The following LHFPL6 variants were observed in gnomAD, a reference collection of about 807,000 sequenced individuals.
LHFPL6 encodes the protein LHFPL tetraspan subfamily member 6, also known as LHFPL tetraspan subfamily member 6 protein.
In LHFPL6, 9 loss-of-function variants were observed where a neutral mutation model predicts 20.6. The ratio of observed to expected loss-of-function variants is 0.44; its 90% CI spans 0.26 to 0.76. The LOEUF is 0.76. LHFPL6 is among the 30% of genes least tolerant of loss of function. The pLI is 0.20. For missense variants in LHFPL6, 218 were observed against 253.5 expected, an observed-to-expected ratio of 0.86 and a Z score of 0.95; for synonymous variants, 105 against 98.7, an observed-to-expected ratio of 1.06 and a Z score of -0.38.
chr13:39,544,055 C>A (rs1473508406), intron 2 of LHFPL6, among the ~76,000 whole-genome samples: 1 of 152,074 alleles, frequency 6.6e-6, no homozygotes, highest in Non-Finnish European at 1.5e-5. Flanking sequence ...GTATAATTTC[C>A]AGTTGGAACT....
At chr13:39,576,951 C>T (rs1189742940) in intron 2 of LHFPL6, among the ~76,000 whole-genome samples, 1 of 152,160 alleles carries the variant, frequency 6.6e-6, no homozygotes, top group East Asian at 1.9e-4. Flanking sequence ...CATTATTATT[C>T]TATTACCCTT....
At chr13:39,535,163 T>C (rs1358487993) in intron 2 of LHFPL6, among the ~76,000 whole-genome samples, 1 of 152,242 alleles carries the variant, frequency 6.6e-6, no homozygotes, top group Non-Finnish European at 1.5e-5. Context: ...ATCCATCATA[T>C]ATTGGAGAAG....
chr13:39,392,770 G>A (rs987455685), intron 2 of LHFPL6, among the ~76,000 whole-genome samples: 5 of 151,702 alleles, frequency 3.3e-5, no homozygotes, highest in Non-Finnish European at 5.9e-5. Flanking sequence ...ATCAAAGCAC[G>A]AGATACATTT....
chr13:39,378,731 C>T (rs1870360979), intron 2 of LHFPL6, among the ~76,000 whole-genome samples: 1 of 152,158 alleles, frequency 6.6e-6, no homozygotes, highest in Admixed American at 6.5e-5. Context: ...AACTTGACAG[C>T]TCAGTTTGGG....
chr13:39,476,200 A>C (rs1873080337), intron 2 of LHFPL6, among the ~76,000 whole-genome samples: 1 of 152,140 alleles, frequency 6.6e-6, no homozygotes, highest in Admixed American at 6.5e-5. Context: ...AATTTGTATT[A>C]CTTATTTTTA....
chr13:39,350,855 TA>T (rs1322980089), intron 3 of LHFPL6, among the ~76,000 whole-genome samples: 3 of 152,036 alleles, frequency 2.0e-5, no homozygotes, highest in African/African-American at 4.8e-5. Context: ...AGAGTAGAGA[TA>T]GGGGTGGGGA....
chr13:39,518,214 T>C (rs1368409603), intron 2 of LHFPL6, among the ~76,000 whole-genome samples: 1 of 152,182 alleles, frequency 6.6e-6, no homozygotes, highest in East Asian at 1.9e-4. Flanking sequence ...CATTAGATGT[T>C]TGTCTAACTC....
intron 2 of LHFPL6, among the ~76,000 whole-genome samples, chr13:39,435,026 G>C (rs1466845417): frequency 1.7e-5 from 2 of 120,728 alleles, no homozygotes; most frequent in South Asian, 5.4e-4. Context: ...ACTGCAGTCC[G>C]CAGTCCGACC....
chr13:39,593,260 C>T (rs542935473), intron 2 of LHFPL6, among the ~76,000 whole-genome samples: 172 of 152,336 alleles, frequency 1.1e-3, no homozygotes, highest in Admixed American at 1.8e-3. Context: ...AGCTGATAGG[C>T]AACTTCAGCA....
intron 3 of LHFPL6, among the ~76,000 whole-genome samples, chr13:39,377,494 A>G (rs1371601892): frequency 6.6e-6 from 1 of 152,226 alleles, no homozygotes; most frequent in East Asian, 1.9e-4. Flanking sequence ...AAGCACTTAT[A>G]TTCATTAAAC....
intron 3 of LHFPL6, among the ~76,000 whole-genome samples, chr13:39,374,476 C>T (rs1870238783): frequency 6.6e-6 from 1 of 151,874 alleles, no homozygotes; most frequent in Non-Finnish European, 1.5e-5. Context: ...CAAATCTCCG[C>T]ATCAAGCAAT....
At chr13:39,538,053 G>T (rs9532395) in intron 2 of LHFPL6, among the ~76,000 whole-genome samples, 109,795 of 148,280 alleles carry the variant, frequency 0.74, 42,151 homozygotes, top group Non-Finnish European at 0.84. Context: ...TGCAGTGGCG[G>T]GATCTCAGCT....
rs777054685 is a variant in LHFPL6, at chr13:39,582,591, T to C, written c.385+18241A>G. Among the ~76,000 whole-genome samples, 202 of 152,322 alleles carry C rather than the reference T, an allele frequency of 1.3e-3. 3 individuals carry two copies. Among genetic ancestry groups the C allele is most frequent in the Middle Eastern group, 3.4e-3 (1 of 294 alleles). ...CAAGAGATCTGAACGTACCCTTGCCTGGCCCTTTTGTGGGGGTGTGGTTTT... is the reference window on the plus strand; with the variant it reads ...CAAGAGATCTGAACGTACCCTTGCCCGGCCCTTTTGTGGGGGTGTGGTTTT... On this transcript the variant is annotated intron_variant, in intron 2 of 3. Transcript: ENST00000379589.
rs567852573 is a variant in LHFPL6, at chr13:39,578,241, A to C, written c.385+22591T>G. ...ATCAATCATCATGGAGTGATAGGAC[A>C]AAAGCACCCTACTAAAGACCCCTGA... is the stretch of plus-strand genomic sequence containing the variant. On this transcript the variant is annotated intron_variant, in intron 2 of 3. Transcript: ENST00000379589. Among the ~76,000 whole-genome samples, 103 of 152,292 alleles carry C rather than the reference A, an allele frequency of 6.8e-4. 1 individual carries two copies. In the South Asian group the frequency reaches 0.02, roughly 30 times the overall value.
At position 39,343,955 on chromosome 13, in the gene LHFPL6, T is replaced by C. The variant is rs1869322334; in HGVS notation, c.584A>G (p.Gln195Arg). Reference sequence around the variant, plus strand: ...TCCATCTCAGTATGGGTAGTGCTTCTGTTTCTTGCCCGAAAAGCAAGCCAG... The same window carrying C: ...TCCATCTCAGTATGGGTAGTGCTTCCGTTTCTTGCCCGAAAAGCAAGCCAG... ...TWLACFSGKK[Q>R]KHYPY is the part of the protein sequence containing the mutation. The change falls in exon 4 of 4, where the codon CAG becomes CGG. Residue 195 changes from glutamine to arginine, a missense_variant. Gln to Arg is a conservative substitution (Grantham distance 43). Transcript: ENST00000379589. 3.1e-6 allele frequency: 5 copies of C among 1,613,770 alleles called. No individual in the cohort carries two copies. The African/African-American group carries it at 5.3e-5, about 17-fold the overall frequency.
intron 3 of LHFPL6, among the ~76,000 whole-genome samples, chr13:39,376,925 G>T (rs536987782): frequency 3.6e-4 from 55 of 152,272 alleles, no homozygotes; most frequent in African/African-American, 1.3e-3. Flanking sequence ...AGCAGAAGCA[G>T]GAAAGTCTCT....
chr13:39,441,802 T>C (rs1356320958), intron 2 of LHFPL6, among the ~76,000 whole-genome samples: 1 of 149,332 alleles, frequency 6.7e-6, no homozygotes, highest in East Asian at 2.0e-4. Flanking sequence ...TGTAAGCCAC[T>C]ACACTGCACC....
chr13:39,528,169 C>T (rs1870353109), intron 2 of LHFPL6, among the ~76,000 whole-genome samples: 2 of 152,132 alleles, frequency 1.3e-5, no homozygotes, highest in African/African-American at 2.4e-5. Flanking sequence ...ATCTCTGGCA[C>T]ATTCCTCACT....
intron 3 of LHFPL6, among the ~76,000 whole-genome samples, chr13:39,371,088 G>T (rs1870156639): frequency 6.6e-6 from 1 of 152,082 alleles, no homozygotes; most frequent in Non-Finnish European, 1.5e-5. Context: ...TTGAAAATTG[G>T]AAGAAACAGA....
Sources: gnomAD v4.1 joint callset for allele counts (sites outside exome capture counted in the v4.1 genomes callset) on GRCh38, gnomAD v4.1.1 for gene constraint, MANE v1.5 for transcripts, NCBI Gene and HGNC (gene_info 2026-07-23, HGNC 2026-07-21) for gene names.